COL28A1: variants seen among roughly 807,000 people sequenced by gnomAD.
COL28A1 encodes collagen alpha-1(XXVIII) chain.
COL28A1 carries 161 observed loss-of-function variants against 150.2 expected under a neutral mutation model. The observed-to-expected ratio is 1.07, with a 90% CI of 0.94 to 1.22. The LOEUF (loss-of-function observed/expected upper bound fraction) is 1.22, where lower values mean the gene tolerates loss of function less well. Among genes scored for constraint, COL28A1 ranks in the 50% most tolerant of loss-of-function variants. The pLI is 0.00. For synonymous variants in COL28A1, 552 were observed against 469.7 expected, an observed-to-expected ratio of 1.18 and a Z score of -2.26; for missense variants, 1,617 against 1,388.3, an observed-to-expected ratio of 1.16 and a Z score of -2.62.
At chr7:7,411,783 G>T (rs1290252936) in intron 27 of COL28A1, among the ~76,000 whole-genome samples, 1 of 152,100 alleles carries the variant, frequency 6.6e-6, no homozygotes, top group African/African-American at 2.4e-5. Context: ...TAAGAAAGAA[G>T]ATTATCAATG....
At chr7:7,529,904 A>T (rs1036551584) in intron 3 of COL28A1, among the ~76,000 whole-genome samples, 1 of 152,144 alleles carries the variant, frequency 6.6e-6, no homozygotes. Flanking sequence ...CATGCAAAAG[A>T]GCTGCTCAGA....
At chr7:7,383,682 G>GCATATATATA (rs71523786) in intron 27 of COL28A1, among the ~76,000 whole-genome samples, 1 of 124,096 alleles carries the variant, frequency 8.1e-6, no homozygotes, top group African/African-American at 3.0e-5. Flanking sequence ...GTGTGTGTGT[G>GCATATATATA]TATATATATA....
At chr7:7,340,981 A>T in the COL28A1 span, among the ~76,000 whole-genome samples, 1 of 152,142 alleles carries the variant, frequency 6.6e-6, no homozygotes, top group Non-Finnish European at 1.5e-5. Context: ...CTAAGGTCCA[A>T]GCCCTTCTCT....
chr7:7,453,435 G>A lies in COL28A1; in HGVS notation c.1440+5C>T, dbSNP rs568493249. ...ATTAAACTCCGCTCTCATTTACAAA[G>A]TTACCTTGGAACCAGGTAAGCCCTG... On this transcript the variant is annotated splice_donor_5th_base_variant and intron_variant, in intron 17 of 34. Coordinates refer to ENST00000399429, the MANE Select transcript of COL28A1 (RefSeq NM_001037763.3). The A allele has an allele frequency of 3.3e-5, 38 of 1,152,592 alleles. No homozygotes were observed. The highest frequency in any genetic ancestry group is 6.1e-5 in the South Asian group (5 of 81,934). 71.4% of individuals were successfully genotyped at this position (1,152,592 alleles called of 1,614,324 possible).
intron 15 of COL28A1, among the ~76,000 whole-genome samples, chr7:7,473,031 A>G (rs1470198719): frequency 6.6e-6 from 1 of 152,208 alleles, no homozygotes; most frequent in African/African-American, 2.4e-5. Context: ...TCAGCTCAAG[A>G]TGGATCAAGA....
At position 7,452,402 on chromosome 7, in the gene COL28A1, G is replaced by C. The variant is rs914243636; in HGVS notation, c.1441-15C>G. 2.5e-6 allele frequency: 4 copies of C among 1,583,926 alleles called. No homozygotes were observed. Among genetic ancestry groups the C allele is most frequent in the African/African-American group, 1.4e-5 (1 of 72,704 alleles). On this transcript the variant is annotated splice_polypyrimidine_tract_variant and intron_variant, in intron 17 of 34. Coordinates refer to ENST00000399429, the MANE Select transcript of COL28A1 (RefSeq NM_001037763.3). ...CCTACTTCTCCCTAGTAAGAAAAGA[G>C]TTTAATACAGCAGCAAAGTGAAAAT...
At chr7:7,429,273 A>G (rs527715069) in intron 25 of COL28A1, among the ~76,000 whole-genome samples, 1 of 152,280 alleles carries the variant, frequency 6.6e-6, no homozygotes, top group South Asian at 2.1e-4. Context: ...TTTTGCACAC[A>G]TTTGGGTCCT....
the COL28A1 span, among the ~76,000 whole-genome samples, chr7:7,338,652 T>C: frequency 1.3e-5 from 2 of 152,148 alleles, no homozygotes; most frequent in African/African-American, 4.8e-5. Context: ...TTTGACCTCT[T>C]CTTTTCTTAT....
intron 27 of COL28A1, among the ~76,000 whole-genome samples, chr7:7,408,586 A>T (rs534956692): frequency 5.9e-5 from 9 of 152,250 alleles, no homozygotes; most frequent in Admixed American, 5.2e-4. Flanking sequence ...TAAGTCTTTG[A>T]ATGTATGAGA....
At chr7:7,352,488 T>C (rs1318054413), downstream of COL28A1, among the ~76,000 whole-genome samples, 1 of 152,170 alleles carries the variant, frequency 6.6e-6, no homozygotes, top group Admixed American at 6.5e-5. Flanking sequence ...TCTAATCACA[T>C]GAGTCCTTAA....
At chr7:7,431,478 G>A (rs1313575244) in intron 25 of COL28A1, 2 of 469,034 alleles carry the variant, frequency 4.3e-6, no homozygotes, top group African/African-American at 4.0e-5. Context: ...TCGGGGAGGT[G>A]ACATTTGAGC....
At chr7:7,347,883 T>C in the COL28A1 span, among the ~76,000 whole-genome samples, 1 of 151,986 alleles carries the variant, frequency 6.6e-6, no homozygotes, top group Non-Finnish European at 1.5e-5. Flanking sequence ...AAAGGCATTA[T>C]CAGCCCTGGT....
At chr7:7,501,503 T>C (rs1337144055) in intron 11 of COL28A1, among the ~76,000 whole-genome samples, 2 of 152,000 alleles carry the variant, frequency 1.3e-5, no homozygotes, top group Non-Finnish European at 1.5e-5. Flanking sequence ...GCATGAGATT[T>C]GAGAAGGAAA....
intron 13 of COL28A1, 126 bp from the exon 14 acceptor site, chr7:7,477,306 T>C (rs1788978009): frequency 3.0e-6 from 2 of 661,370 alleles, no homozygotes; most frequent in African/African-American, 1.8e-5. Flanking sequence ...AAAAAATGGA[T>C]AGTTGGATCT....
rs144510187 is a variant in COL28A1 at position 7,410,476 on chromosome 7, A to G, written c.2136+7383T>C. Among the ~76,000 whole-genome samples, 71 of 152,286 alleles carry G rather than the reference A, an allele frequency of 4.7e-4. No individual in the cohort carries two copies. In the East Asian group the frequency reaches 0.014, roughly 29 times the overall value. The stretch of plus-strand genomic sequence containing the variant: ...TCATCGTGTGAATTTCAAAATTACA[A>G]TAAGAGATAAGTCACAGAGGTTAAT... On this transcript the variant is annotated intron_variant, in intron 27 of 34. Transcript: ENST00000399429.
chr7:7,422,585 C>T (rs1211492064), intron 25 of COL28A1, among the ~76,000 whole-genome samples: 2 of 151,818 alleles, frequency 1.3e-5, no homozygotes, highest in Admixed American at 6.6e-5. Flanking sequence ...ACCAAAACCA[C>T]GCCATTGCAC....
chr7:7,520,836 G>T (rs1036795998), intron 5 of COL28A1, among the ~76,000 whole-genome samples: 6 of 152,106 alleles, frequency 3.9e-5, no homozygotes, highest in Non-Finnish European at 8.8e-5. Flanking sequence ...CCATCTCTTG[G>T]TGTCATAGAG....
chr7:7,404,174 A>G (rs572089419), intron 27 of COL28A1, among the ~76,000 whole-genome samples: 20 of 152,126 alleles, frequency 1.3e-4, no homozygotes, highest in Non-Finnish European at 2.8e-4. Context: ...AACATGGTTC[A>G]GAAATCAGTC....
intron 27 of COL28A1, among the ~76,000 whole-genome samples, chr7:7,393,090 A>G (rs753700639): frequency 3.9e-5 from 6 of 152,022 alleles, no homozygotes; most frequent in Non-Finnish European, 8.8e-5. Context: ...CCTCATCTTC[A>G]TGGATTTATC....
Sources: allele counts gnomAD v4.1 joint callset (sites outside exome capture counted in the v4.1 genomes callset), GRCh38; gene constraint gnomAD v4.1.1; transcripts MANE v1.5; gene names NCBI Gene and HGNC (gene_info 2026-07-23, HGNC 2026-07-21).